KCTD10: variants seen among roughly 807,000 people sequenced by gnomAD.
The protein encoded by KCTD10 is potassium channel tetramerization domain containing 10.
A neutral mutation model predicts 34.6 loss-of-function variants in KCTD10; 13 were observed. The observed-to-expected ratio is 0.38, with a 90% CI of 0.24 to 0.60. KCTD10 has a LOEUF of 0.60. KCTD10 is among the 20% of genes least tolerant of loss of function. The pLI, the probability that KCTD10 is intolerant of heterozygous loss-of-function variation, is 0.66. For synonymous variants in KCTD10, 156 were observed against 168.8 expected (o/e 0.92, Z 0.59); for missense variants, 256 against 420.3 (o/e 0.61, Z 3.42).
At chr12:109,456,044 G>T in intron 6 of KCTD10, 74 bp downstream of exon 6, 1 of 1,376,396 alleles carries the variant, frequency 7.3e-7, no homozygotes. Context: ...TCTGTATTGG[G>T]CTCAAGTGAA....
At chr12:109,476,978 C>A (rs1362969696) in intron 1 of KCTD10, among the ~76,000 whole-genome samples, 1 of 152,142 alleles carries the variant, frequency 6.6e-6, no homozygotes, top group Non-Finnish European at 1.5e-5. Context: ...CTTGGAGACA[C>A]CCCTTCCTCA....
At chr12:109,456,701 C>CT (rs1370714826) in intron 5 of KCTD10, 2 of 252,120 alleles carry the variant, frequency 7.9e-6, no homozygotes, top group African/African-American at 4.5e-5. Flanking sequence ...TATCCTAGGT[C>CT]TTTTTAAAGA....
chr12:109,468,739 G>A lies in KCTD10; in HGVS notation c.217+776C>T, dbSNP rs1295901948. The stretch of plus-strand genomic sequence containing the variant: ...GCGATCTCAGCTCACTGCAAGCTCC[G>A]CCTCCCGAGTTCACGTCATTCTCCT... On this transcript the variant is annotated intron_variant, in intron 2 of 6. Coordinates refer to ENST00000228495, the MANE Select transcript of KCTD10 (RefSeq NM_031954.5). 7.6e-5 allele frequency among the ~76,000 whole-genome samples: 11 copies of A among 145,692 alleles called. No individual in the cohort carries two copies. In the Admixed American group the frequency reaches 7.9e-4, roughly 10 times the overall value.
At chr12:109,455,558 CTGTGCAAGGG>C (rs1715784098) in intron 6 of KCTD10, 1 of 155,192 alleles carries the variant, frequency 6.4e-6, no homozygotes, top group African/African-American at 2.4e-5. Context: ...CTTAAGACTC[CTGTGCAAGGG>C]TGACAAGAGG....
At chr12:109,473,831 C>CA (rs1221459169) in intron 1 of KCTD10, among the ~76,000 whole-genome samples, 1 of 149,834 alleles carries the variant, frequency 6.7e-6, no homozygotes, top group Admixed American at 6.7e-5. Context: ...GCCCAGGCTA[C>CA]AGTACAACGG....
Position 109,451,761 on chromosome 12 carries a change from T to G in KCTD10, c.776A>C (p.Tyr259Ser). The change falls in exon 7 of 7, where the codon TAT becomes TCT. Residue 259 changes from tyrosine to serine, a missense_variant. By Grantham distance (144) the Tyr-to-Ser change is moderately radical. Coordinates refer to ENST00000228495, the MANE Select transcript of KCTD10 (RefSeq NM_031954.5). The surrounding 1 kb of genome is among the most constrained non-coding windows in gnomAD (Gnocchi z 5.0). ...AGGTCCCCGGCCATCCTGGGCCTCA[T>G]ACAGCAAAATGTTCAGGGTCTCCTC... ...IYEETLNILLYEAQDGRGPDN... is the reference protein window; with the variant it reads ...IYEETLNILLSEAQDGRGPDN... The G allele has an allele frequency of 6.2e-7, 1 of 1,614,168 alleles. No individual in the cohort carries two copies. Among genetic ancestry groups the G allele is most frequent in the Non-Finnish European group, 8.5e-7 (1 of 1,180,016 alleles).
chr12:109,461,268 G>A (rs1338883980), intron 2 of KCTD10, among the ~76,000 whole-genome samples: 2 of 152,234 alleles, frequency 1.3e-5, no homozygotes, highest in Admixed American at 1.3e-4. Context: ...TTCTAAGAAC[G>A]CACAAGTCTC....
rs1028857448 is a variant in KCTD10, at chr12:109,456,259, C to T, written c.582G>A (p.Leu194=). Residue 194 remains leucine, a synonymous_variant, in exon 6 of 7, where the codon CTG becomes CTA. Transcript: ENST00000228495. ...KNIELFDKLS[L]RFNGRVLFIK... ...TGAACAGGACCCTTCCGTTAAAGCG[C>T]AGAGACAGCTTATCAAACAGTTCAA... 6.2e-7 allele frequency: 1 copy of T among 1,614,200 alleles called. No individual in the cohort carries two copies. The highest frequency in any genetic ancestry group is 8.5e-7 in the Non-Finnish European group (1 of 1,180,030).
intron 1 of KCTD10, among the ~76,000 whole-genome samples, chr12:109,476,098 A>T (rs1874217190): frequency 6.6e-6 from 1 of 152,196 alleles, no homozygotes; most frequent in Admixed American, 6.5e-5. Context: ...AATCCCTTGC[A>T]GGGCTTGTTA....
At chr12:109,468,183 G>A (rs977069345) in intron 2 of KCTD10, among the ~76,000 whole-genome samples, 2 of 152,140 alleles carry the variant, frequency 1.3e-5, no homozygotes, top group Non-Finnish European at 2.9e-5. Flanking sequence ...TCAGTTCGCT[G>A]CTGCCTGAAC....
Position 109,450,130 on chromosome 12 carries a change from T to C in KCTD10, c.*1465A>G, listed in dbSNP as rs555322490. On this transcript the variant is annotated 3_prime_UTR_variant, in exon 7 of 7. Coordinates refer to ENST00000228495, the MANE Select transcript of KCTD10 (RefSeq NM_031954.5). ...ATACATGTGTCAAAGGCTGCCCATGTTAATACCTTTGGTATAAAACGGTAA... is the reference window on the plus strand; with the variant it reads ...ATACATGTGTCAAAGGCTGCCCATGCTAATACCTTTGGTATAAAACGGTAA... 3 of 397,508 alleles carry C rather than the reference T, an allele frequency of 7.5e-6. No homozygotes were observed. Among genetic ancestry groups the C allele is most frequent in the Non-Finnish European group, 1.3e-5 (3 of 225,862 alleles). 24.6% of individuals were successfully genotyped at this position (397,508 alleles called of 1,614,324 possible).
intron 2 of KCTD10, chr12:109,464,787 T>G (rs1192638983): frequency 4.4e-6 from 2 of 455,160 alleles, no homozygotes; most frequent in African/African-American, 4.0e-5. Flanking sequence ...CTCACCAGAT[T>G]TGCAATAATT....
At chr12:109,457,532 T>C in intron 5 of KCTD10, 98 bp downstream of exon 5, 2 of 980,978 alleles carry the variant, frequency 2.0e-6, no homozygotes, top group South Asian at 2.6e-5. Context: ...TACAGAGGGG[T>C]CATCCTCATC....
intron 1 of KCTD10, among the ~76,000 whole-genome samples, chr12:109,474,743 A>C (rs1174084801): frequency 6.6e-6 from 1 of 152,214 alleles, no homozygotes; most frequent in Non-Finnish European, 1.5e-5. Context: ...CTTCAGAGCC[A>C]CAGGGAGGAA....
In KCTD10 at chr12:109,469,545, C is replaced by T. The variant is rs746102887; in HGVS notation, c.187G>A (p.Gly63Arg). The T allele has an allele frequency of 3.7e-6, 6 of 1,614,196 alleles. No homozygotes were observed. Among genetic ancestry groups the T allele is most frequent in the African/African-American group, 1.3e-5 (1 of 75,060 alleles). The change falls in exon 2 of 7, where the codon GGG (glycine) becomes AGG (arginine). Residue 63 changes from glycine (G) to arginine (R), a missense_variant. Coordinates refer to ENST00000228495, the MANE Select transcript of KCTD10 (RefSeq NM_031954.5). ...CTGTCGGTGAGCACTTCCATGCGCC[C>T]GCTGAACATGGCCTTCAGCATGGTG... is the stretch of plus-strand genomic sequence containing the variant. ...QDTMLKAMFS[G>R]RMEVLTDSEG...
At position 109,470,593 on chromosome 12, in the gene KCTD10, T is replaced by A. The variant is rs893598808; in HGVS notation, c.4-865A>T. The stretch of plus-strand genomic sequence containing the variant: ...GATGTGCAAGGGTGGGCAGAATCTT[T>A]GCTGAATCTGGGGTAGCCCCCACGG... On this transcript the variant is annotated intron_variant, in intron 1 of 6. Coordinates refer to ENST00000228495, the MANE Select transcript of KCTD10 (RefSeq NM_031954.5). 4 of 985,340 alleles carry A rather than the reference T, an allele frequency of 4.1e-6. No homozygotes were observed. In the African/African-American group the frequency reaches 7.0e-5, roughly 17 times the overall value. 61.0% of individuals were successfully genotyped at this position (985,340 alleles called of 1,614,324 possible).
chr12:109,457,543 T>C, intron 5 of KCTD10, 87 bp downstream of exon 5: 2 of 1,139,960 alleles, frequency 1.8e-6, no homozygotes, highest in Admixed American at 1.7e-5. Flanking sequence ...CATCCTCATC[T>C]GAAGGTACGA....
intron 2 of KCTD10, among the ~76,000 whole-genome samples, chr12:109,468,653 CT>C (rs34623703): frequency 1.9e-3 from 257 of 132,414 alleles, no homozygotes; most frequent in African/African-American, 3.1e-3. Flanking sequence ...AATTCTTTGC[CT>C]TTTTTTTTTT....
At chr12:109,452,243 A>G (rs1034568089) in intron 6 of KCTD10, among the ~76,000 whole-genome samples, 19 of 152,230 alleles carry the variant, frequency 1.2e-4, no homozygotes, top group African/African-American at 4.6e-4. Flanking sequence ...ACGACAATGC[A>G]ATTAACCATA....
Sources: allele counts gnomAD v4.1 joint callset (sites outside exome capture counted in the v4.1 genomes callset), GRCh38; gene constraint gnomAD v4.1.1; non-coding constraint Gnocchi (gnomAD v3.1); transcripts MANE v1.5; gene names NCBI Gene and HGNC (gene_info 2026-07-23, HGNC 2026-07-21).